CEP152: variants seen among roughly 807,000 people sequenced by gnomAD.
CEP152 encodes centrosomal protein of 152 kDa.
In CEP152, 132 loss-of-function variants were observed where a neutral mutation model predicts 188.9. The observed-to-expected ratio is 0.70, with a 90% CI of 0.61 to 0.81. The LOEUF (loss-of-function observed/expected upper bound fraction) is 0.81, where lower values mean the gene tolerates loss of function less well. Among genes scored for constraint, CEP152 ranks in the 30% least tolerant of loss-of-function variants. The probability of loss-of-function intolerance (pLI) is 0.00; values close to 1 mark genes in which losing one functional copy is unlikely to be tolerated. For missense variants in CEP152, 1,914 were observed against 1,969.8 expected (o/e 0.97, Z 0.54); for synonymous variants, 649 against 666.6 (o/e 0.97, Z 0.41).
chr15:48,783,550 C>T (rs147889541), intron 10 of CEP152, among the ~76,000 whole-genome samples: 54 of 151,910 alleles, frequency 3.6e-4, no homozygotes, highest in African/African-American at 1.1e-3. Flanking sequence ...TTTGCATGTT[C>T]AGCTTTAGTA....
intron 12 of CEP152, among the ~76,000 whole-genome samples, chr15:48,780,046 C>T (rs1281789216): frequency 6.6e-6 from 1 of 152,190 alleles, no homozygotes; most frequent in Non-Finnish European, 1.5e-5. Flanking sequence ...AGGATGGATA[C>T]TGTCTTTCCC....
intron 10 of CEP152, chr15:48,783,138 A>C (rs948582311): frequency 1.3e-5 from 2 of 152,226 alleles, no homozygotes; most frequent in African/African-American, 4.8e-5. Context: ...TGTTTTCACA[A>C]TGTGAGCTAC....
intron 2 of CEP152, among the ~76,000 whole-genome samples, chr15:48,802,453 G>A (rs1431754065): frequency 1.3e-5 from 2 of 152,106 alleles, no homozygotes; most frequent in Non-Finnish European, 2.9e-5. Flanking sequence ...CTGCTCTGTC[G>A]ACTATTTTTA....
downstream of CEP152, among the ~76,000 whole-genome samples, chr15:48,734,306 T>C (rs1188410613): frequency 2.6e-5 from 4 of 151,256 alleles, no homozygotes; most frequent in Non-Finnish European, 5.9e-5. Flanking sequence ...GTTGCTATAT[T>C]GTACCAGAAG....
chr15:48,774,027 T>A (rs1029837228), intron 12 of CEP152, among the ~76,000 whole-genome samples: 2 of 152,246 alleles, frequency 1.3e-5, no homozygotes, highest in Non-Finnish European at 2.9e-5. Context: ...TTAAGGAAGA[T>A]ATGAATATGT....
intron 12 of CEP152, among the ~76,000 whole-genome samples, 196 bp downstream of exon 12, chr15:48,780,996 AAAGT>A (rs1433742355): frequency 1.3e-5 from 2 of 152,230 alleles, no homozygotes. Context: ...CTCTACTTTA[AAAGT>A]AAGGTCATAG....
In CEP152 at chr15:48,796,068, C is replaced by G; in HGVS notation, c.633G>C (p.Glu211Asp). The G allele has an allele frequency of 6.2e-7, 1 of 1,613,862 alleles. No individual in the cohort carries two copies. Among genetic ancestry groups the G allele is most frequent in the Non-Finnish European group, 8.5e-7 (1 of 1,179,860 alleles). ...SAQNNGSPAQ[E>D]ITGSDTFEGL... ...CTTCGAATGTGTCACTTCCTGTTAT[C>G]TCCTGGGCTGGTGAGCCATTATTCT... is the stretch of plus-strand genomic sequence containing the variant. The change falls in exon 6 of 27, where the codon GAG becomes GAC. Residue 211 changes from glutamate to aspartate, a missense_variant. Coordinates refer to ENST00000380950, the MANE Select transcript of CEP152 (RefSeq NM_001194998.2).
At chr15:48,742,808 T>C (rs949942641) in intron 24 of CEP152, among the ~76,000 whole-genome samples, 1 of 152,010 alleles carries the variant, frequency 6.6e-6, no homozygotes, top group African/African-American at 2.4e-5. Context: ...AGGCTAACTT[T>C]TATTTTTTTT....
chr15:48,778,425 T>C (rs557719150), intron 12 of CEP152, among the ~76,000 whole-genome samples: 1 of 152,190 alleles, frequency 6.6e-6, no homozygotes, highest in South Asian at 2.1e-4. Flanking sequence ...TAGCTTTTAG[T>C]TTTCCACGAA....
intron 1 of CEP152, chr15:48,810,388 T>C (rs903283337): frequency 6.6e-6 from 1 of 152,232 alleles, no homozygotes; most frequent in African/African-American, 2.4e-5. Context: ...AATAGACATA[T>C]AAACAAATGA....
intron 22 of CEP152, 63 bp downstream of exon 22, chr15:48,748,380 T>C (rs570388512): frequency 1.4e-4 from 199 of 1,451,122 alleles, no homozygotes; most frequent in Admixed American, 2.7e-4. Flanking sequence ...AATGTCACAT[T>C]TGAACATTTC....
chr15:48,769,226 C>T (rs1567000790), intron 13 of CEP152, 145 bp from the exon 14 acceptor site: 2 of 642,420 alleles, frequency 3.1e-6, no homozygotes, highest in Non-Finnish European at 5.3e-6. Flanking sequence ...ATAACTACAG[C>T]ACAATCATCA....
At chr15:48,808,978 CA>C (rs1898169541) in intron 1 of CEP152, among the ~76,000 whole-genome samples, 3 of 152,154 alleles carry the variant, frequency 2.0e-5, no homozygotes, top group Admixed American at 6.5e-5. Context: ...GAACCCTTAA[CA>C]AGACTATAAA....
In CEP152 at chr15:48,745,102, C is replaced by T. The variant is rs148829625; in HGVS notation, c.3635-110G>A. 235 of 718,294 alleles carry T rather than the reference C, an allele frequency of 3.3e-4. 2 individuals carry two copies. Among genetic ancestry groups the T allele is most frequent in the African/African-American group, 1.7e-3 (92 of 54,502 alleles). 44.5% of individuals were successfully genotyped at this position (718,294 alleles called of 1,614,324 possible). ...TAGAAGAGACTGTGCAATTTCCAGT[C>T]GCTTTTCTGTAACGTTCATCCCCTT... is the stretch of plus-strand genomic sequence containing the variant. On this transcript the variant is annotated intron_variant, in intron 22 of 26. Coordinates refer to ENST00000380950, the MANE Select transcript of CEP152 (RefSeq NM_001194998.2).
chr15:48,730,598 A>G (rs149227126), intron 2 of CEP152, among the ~76,000 whole-genome samples: 10 of 152,308 alleles, frequency 6.6e-5, no homozygotes, highest in African/African-American at 2.2e-4. Flanking sequence ...AAGACTGGAA[A>G]ATTGCCTGAA....
In CEP152 at chr15:48,741,666, G is replaced by A. The variant is rs1441632767; in HGVS notation, c.4028C>T (p.Ala1343Val). ...TGTTTCCAGTAATTTTGCCATTGTA[G>A]CAAGTTTGCTAGCAGCATTCATAAT... is the stretch of plus-strand genomic sequence containing the variant. ...KKIMNAASKL[A>V]TMAKLLETPI... The change falls in exon 26 of 27, where the codon GCT (alanine) becomes GTT (valine). Residue 1343 changes from alanine to valine, a missense_variant. Ala to Val is a moderately conservative substitution (Grantham distance 64). Coordinates refer to ENST00000380950, the MANE Select transcript of CEP152 (RefSeq NM_001194998.2). 6.2e-7 allele frequency: 1 copy of A among 1,613,970 alleles called. No homozygotes were observed. Among genetic ancestry groups the A allele is most frequent in the Non-Finnish European group, 8.5e-7 (1 of 1,180,022 alleles).
In CEP152 at chr15:48,747,288, T is replaced by C. The variant is rs78116358; in HGVS notation, c.3634+1155A>G. On this transcript the variant is annotated intron_variant, in intron 22 of 26. Transcript: ENST00000380950. ...ACTTATTAACCTGGTCTTTTCTGAA[T>C]GACACCATTATTTAGGACCCTGGCA... 3.5e-3 allele frequency among the ~76,000 whole-genome samples: 539 copies of C among 152,312 alleles called. 3 individuals are homozygous for C. Among genetic ancestry groups the C allele is most frequent in the African/African-American group, 0.013 (522 of 41,584 alleles).
intron 22 of CEP152, among the ~76,000 whole-genome samples, chr15:48,746,860 C>G (rs1014865449): frequency 6.6e-6 from 1 of 152,106 alleles, no homozygotes; most frequent in Non-Finnish European, 1.5e-5. Flanking sequence ...GTTAGGAAAG[C>G]CTCCCTGAGG....
chr15:48,775,981 G>A (rs1319250911), intron 12 of CEP152, among the ~76,000 whole-genome samples: 5 of 151,640 alleles, frequency 3.3e-5, no homozygotes, highest in African/African-American at 1.2e-4. Context: ...TCATATGAAG[G>A]CAAATCTAAT....
Sources: allele counts gnomAD v4.1 joint callset (sites outside exome capture counted in the v4.1 genomes callset), GRCh38; gene constraint gnomAD v4.1.1; transcripts MANE v1.5; gene names NCBI Gene and HGNC (gene_info 2026-07-23, HGNC 2026-07-21).